The following SHTN1 variants were observed in gnomAD, a reference collection of about 807,000 sequenced individuals.
SHTN1 encodes the protein shootin 1.
Under a neutral mutation model 83.1 loss-of-function variants are expected in SHTN1, and 42 were observed. The observed-to-expected ratio is 0.51, with a 90% CI of 0.39 to 0.65. SHTN1 has a LOEUF of 0.65. SHTN1 is among the 30% of genes least tolerant of loss of function. The probability of loss-of-function intolerance (pLI) is 0.00; values close to 1 mark genes in which losing one functional copy is unlikely to be tolerated. For synonymous variants in SHTN1, 224 were observed against 247.7 expected (o/e 0.90, Z 0.90); for missense variants, 622 against 737.8 (o/e 0.84, Z 1.82).
intron 8 of SHTN1, among the ~76,000 whole-genome samples, chr10:116,944,691 G>A (rs1849509393): frequency 6.6e-6 from 1 of 152,106 alleles, no homozygotes; most frequent in South Asian, 2.1e-4. Context: ...AGGAGATCAA[G>A]ACCATCCTGG....
chr10:116,949,802 A>C (rs1015965464), intron 6 of SHTN1, among the ~76,000 whole-genome samples: 1 of 152,162 alleles, frequency 6.6e-6, no homozygotes, highest in Non-Finnish European at 1.5e-5. Context: ...TCCCACAAAA[A>C]TTTAAATTTC....
intron 4 of SHTN1, among the ~76,000 whole-genome samples, chr10:116,954,720 A>C (rs1213629242): frequency 6.6e-6 from 1 of 152,128 alleles, no homozygotes; most frequent in Non-Finnish European, 1.5e-5. Context: ...GATTAAACAC[A>C]TGACCCAAGT....
chr10:117,032,907 C>A (rs561928063), intron 2 of SHTN1, among the ~76,000 whole-genome samples: 20 of 152,156 alleles, frequency 1.3e-4, no homozygotes, highest in African/African-American at 4.6e-4. Context: ...TATACAAATA[C>A]ATGTAAATTA....
intron 1 of SHTN1, among the ~76,000 whole-genome samples, chr10:116,994,945 G>C (rs1038262911): frequency 6.6e-6 from 1 of 151,980 alleles, no homozygotes; most frequent in Admixed American, 6.6e-5. Flanking sequence ...GCTAACCTTT[G>C]AGTTATTATT....
intron 2 of SHTN1, among the ~76,000 whole-genome samples, chr10:117,030,980 G>C (rs1236810398): frequency 6.6e-6 from 1 of 152,000 alleles, no homozygotes; most frequent in African/African-American, 2.4e-5. Context: ...CAAACCTAGA[G>C]AAATATATCA....
At chr10:116,978,481 T>C (rs1850889455) in intron 2 of SHTN1, among the ~76,000 whole-genome samples, 1 of 152,058 alleles carries the variant, frequency 6.6e-6, no homozygotes, top group African/African-American at 2.4e-5. Flanking sequence ...AAATTTTTTT[T>C]ATATCTAAAA....
chr10:117,055,405 CTT>C (rs772087003), intron 1 of SHTN1, among the ~76,000 whole-genome samples: 2 of 152,104 alleles, frequency 1.3e-5, no homozygotes, highest in Non-Finnish European at 2.9e-5. Flanking sequence ...ATTCTACAGA[CTT>C]TGGTTTTTCC....
At chr10:116,947,896 G>C (rs148084388) in intron 7 of SHTN1, among the ~76,000 whole-genome samples, 1 of 152,134 alleles carries the variant, frequency 6.6e-6, no homozygotes, top group Non-Finnish European at 1.5e-5. Flanking sequence ...TTGGAGAAAT[G>C]TTACAATCCA....
chr10:117,091,927 G>C (rs1853435659), intron 1 of SHTN1, among the ~76,000 whole-genome samples: 1 of 152,154 alleles, frequency 6.6e-6, no homozygotes. Flanking sequence ...GGCAGGGACT[G>C]TGTCTTATTA....
At chr10:117,088,966 T>A (rs949530797) in intron 1 of SHTN1, among the ~76,000 whole-genome samples, 10 of 152,086 alleles carry the variant, frequency 6.6e-5, no homozygotes, top group Non-Finnish European at 1.5e-4. Context: ...CCTCTCTATA[T>A]CCCTATAACC....
chr10:117,059,501 A>T (rs1564945010), intron 1 of SHTN1, among the ~76,000 whole-genome samples: 3 of 152,244 alleles, frequency 2.0e-5, no homozygotes, highest in Non-Finnish European at 2.9e-5. Context: ...ATCGCTAAGT[A>T]CACTGTGATA....
intron 1 of SHTN1, among the ~76,000 whole-genome samples, chr10:117,057,798 G>A (rs1852846591): frequency 1.3e-5 from 2 of 152,124 alleles, no homozygotes; most frequent in East Asian, 1.9e-4. Flanking sequence ...CCTAGGGAAG[G>A]GGGAGAATCT....
chr10:117,121,381 C>T lies in SHTN1; in HGVS notation c.-189+4926G>A, dbSNP rs548885241. On this transcript the variant is annotated intron_variant, in intron 1 of 17. Coordinates refer to the SHTN1 transcript ENST00000392901. The stretch of plus-strand genomic sequence containing the variant: ...TTACCTGAGGTCAGGAGTTCAAGAC[C>T]AGCCTGGCCAACATGGTGAAACTCT... Among the ~76,000 whole-genome samples, 3 of 151,378 alleles carry T rather than the reference C, an allele frequency of 2.0e-5. No homozygotes were observed. In the East Asian group the frequency reaches 6.0e-4, roughly 30 times the overall value.
chr10:117,109,753 C>A (rs911698285), intron 1 of SHTN1, among the ~76,000 whole-genome samples: 2 of 151,394 alleles, frequency 1.3e-5, no homozygotes, highest in African/African-American at 2.4e-5. Context: ...TTAGTAGAGA[C>A]GGGGTTTTGC....
At chr10:117,079,966 AT>A (rs1278589370) in intron 1 of SHTN1, among the ~76,000 whole-genome samples, 2 of 93,756 alleles carry the variant, frequency 2.1e-5, no homozygotes, top group African/African-American at 4.0e-5. Flanking sequence ...GGTTGTGAAA[AT>A]TTTCTCCCAT....
chr10:117,096,586 C>T (rs997207905), intron 1 of SHTN1, among the ~76,000 whole-genome samples: 2 of 152,212 alleles, frequency 1.3e-5, no homozygotes, highest in African/African-American at 4.8e-5. Context: ...TTAGATACTT[C>T]TGAACACTAC....
chr10:116,993,163 G>A (rs536424132), intron 1 of SHTN1, among the ~76,000 whole-genome samples: 19 of 151,234 alleles, frequency 1.3e-4, no homozygotes, highest in Admixed American at 2.0e-4. Flanking sequence ...CTACAGGCAC[G>A]TGCCACCACA....
chr10:117,071,124 A>G (rs1490157695), intron 1 of SHTN1, among the ~76,000 whole-genome samples: 1 of 152,206 alleles, frequency 6.6e-6, no homozygotes, highest in African/African-American at 2.4e-5. Flanking sequence ...GTAATTTCAT[A>G]AAATGCCATT....
intron 1 of SHTN1, among the ~76,000 whole-genome samples, chr10:116,999,992 A>G (rs1851768340): frequency 6.6e-6 from 1 of 152,170 alleles, no homozygotes. Context: ...TCCTTAGCCC[A>G]CACTGCATGT....
Sources: allele counts gnomAD v4.1 joint callset (sites outside exome capture counted in the v4.1 genomes callset), GRCh38; gene constraint gnomAD v4.1.1; transcripts MANE v1.5; gene names NCBI Gene and HGNC (gene_info 2026-07-23, HGNC 2026-07-21).